The following ECE1 variants were observed in gnomAD, a reference collection of about 807,000 sequenced individuals.
ECE1 encodes endothelin-converting enzyme 1.
ECE1 carries 35 observed loss-of-function variants against 98.6 expected under a neutral mutation model. That is an observed-to-expected ratio of 0.35 (90% CI 0.27 to 0.47). The LOEUF (loss-of-function observed/expected upper bound fraction) is 0.47. Ranked by LOEUF, ECE1 falls within the 20% of genes least tolerant of loss-of-function variation. The probability of loss-of-function intolerance (pLI) is 1.00; values close to 1 mark genes in which losing one functional copy is unlikely to be tolerated. For missense variants in ECE1, 814 were observed against 1,025.3 expected (o/e 0.79, Z 2.81); for synonymous variants, 394 against 407.1 (o/e 0.97, Z 0.39).
At chr1:21,275,018 C>A (rs988239119) in intron 3 of ECE1, among the ~76,000 whole-genome samples, 1 of 152,126 alleles carries the variant, frequency 6.6e-6, no homozygotes, top group Admixed American at 6.5e-5. Context: ...GTTGAAAGAG[C>A]CTGTTGAGTA....
At chr1:21,311,276 G>A (rs559366970) in intron 1 of ECE1, among the ~76,000 whole-genome samples, 1 of 152,262 alleles carries the variant, frequency 6.6e-6, no homozygotes, top group East Asian at 1.9e-4. Context: ...CCAACATGCA[G>A]GAATGTTCAT....
At chr1:21,257,788 C>CG (rs1427509878) in intron 6 of ECE1, among the ~76,000 whole-genome samples, 198 bp from the exon 7 acceptor site, 7 of 151,974 alleles carry the variant, frequency 4.6e-5, no homozygotes, top group Non-Finnish European at 8.8e-5. Context: ...CCACGTGGCC[C>CG]CCCCCCGCAG....
intron 10 of ECE1, among the ~76,000 whole-genome samples, chr1:21,240,986 C>G (rs951570364): frequency 1.3e-5 from 2 of 152,242 alleles, no homozygotes; most frequent in African/African-American, 4.8e-5. Context: ...AGAGATGAAT[C>G]AACAGTGAGC....
chr1:21,241,106 G>C (rs2098195592), intron 10 of ECE1, among the ~76,000 whole-genome samples: 1 of 152,188 alleles, frequency 6.6e-6, no homozygotes, highest in Non-Finnish European at 1.5e-5. Context: ...AGTGGAGTGA[G>C]AGCGGGCCCT....
At chr1:21,312,129 A>G (rs1254293774) in intron 1 of ECE1, among the ~76,000 whole-genome samples, 2 of 151,190 alleles carry the variant, frequency 1.3e-5, no homozygotes, top group South Asian at 2.1e-4. Flanking sequence ...TCTCAAAAAA[A>G]AAAAAAAAAA....
chr1:21,226,346 C>T (rs1332954894), intron 16 of ECE1, among the ~76,000 whole-genome samples: 2 of 152,174 alleles, frequency 1.3e-5, no homozygotes, highest in East Asian at 1.9e-4. Flanking sequence ...CCAATCACCA[C>T]GGGAGGGTGG....
In ECE1 at chr1:21,235,723, A is replaced by G; in HGVS notation, c.1566+127T>C. 2 of 1,025,062 alleles carry G rather than the reference A, an allele frequency of 2.0e-6. No homozygotes were observed. Among genetic ancestry groups the G allele is most frequent in the Non-Finnish European group, 3.1e-6 (2 of 648,604 alleles). The allele number at this position is 1,025,062 out of a possible 1,614,324, so 63.5% of individuals were successfully genotyped here. A position where few individuals can be genotyped will look rare whatever the true frequency, so the allele number is the denominator to read the frequency against. ...TGCCTGACCCATACCCAAGCCCCAC[A>G]CCACATCATCCCTGTGTGTTTTGAC... On this transcript the variant is annotated intron_variant, in intron 13 of 18. Transcript: ENST00000374893. The surrounding 1 kb of genome is among the most constrained non-coding windows in gnomAD (Gnocchi z 4.2).
rs2098164344 is a variant in ECE1, at chr1:21,219,183, G to A, written c.*772C>T. 6.6e-6 allele frequency: 1 copy of A among 152,492 alleles called. No individual in the cohort carries two copies. Among genetic ancestry groups the A allele is most frequent in the Non-Finnish European group, 1.5e-5 (1 of 68,258 alleles). The allele number at this position is 152,492 out of a possible 1,614,324, so 9.4% of individuals were successfully genotyped here. On this transcript the variant is annotated 3_prime_UTR_variant, in exon 19 of 19. Coordinates refer to ENST00000374893, the MANE Select transcript of ECE1 (RefSeq NM_001397.3). The surrounding 1 kb of genome is among the most constrained non-coding windows in gnomAD (Gnocchi z 4.5). ...GCCATCAGTCCCCTGCTGTGGCTTT[G>A]GGGATCAGAACTTCCCAGCTAGGGC... is the stretch of plus-strand genomic sequence containing the variant.
At chr1:21,341,245 G>C (rs969112167) in intron 1 of ECE1, among the ~76,000 whole-genome samples, 10 of 152,236 alleles carry the variant, frequency 6.6e-5, no homozygotes, top group African/African-American at 2.4e-4. Flanking sequence ...GTGGGAGAGA[G>C]AGACCTATCA....
At chr1:21,232,463 TAATTTTAAAAATTTTTTGTAGAG>T (rs930745674) in intron 14 of ECE1, among the ~76,000 whole-genome samples, 3 of 152,010 alleles carry the variant, frequency 2.0e-5, no homozygotes, top group Non-Finnish European at 4.4e-5. Flanking sequence ...CACGTCCAGC[TAATTTTAAAAATTTTTTGTAGAG>T]ACCACATCTC....
At chr1:21,336,532 T>C (rs538833953) in intron 1 of ECE1, among the ~76,000 whole-genome samples, 18 of 151,056 alleles carry the variant, frequency 1.2e-4, no homozygotes, top group African/African-American at 7.3e-5. Flanking sequence ...CCGTCTCTAC[T>C]AAAAATACAA....
At chr1:21,325,669 C>A (rs1352182891) in intron 1 of ECE1, among the ~76,000 whole-genome samples, 1 of 152,252 alleles carries the variant, frequency 6.6e-6, no homozygotes, top group African/African-American at 2.4e-5. Flanking sequence ...CACAATAGGA[C>A]CCACTTCCTT....
chr1:21,303,074 T>C (rs1638522596), intron 1 of ECE1, among the ~76,000 whole-genome samples: 2 of 152,210 alleles, frequency 1.3e-5, no homozygotes, highest in Non-Finnish European at 2.9e-5. Context: ...GGCTTCCATC[T>C]ACCCAGCCCC....
intron 8 of ECE1, among the ~76,000 whole-genome samples, chr1:21,247,567 T>C (rs2098205631): frequency 6.6e-6 from 1 of 152,132 alleles, no homozygotes; most frequent in African/African-American, 2.4e-5. Context: ...AACACCAAAA[T>C]TTAACCTGAA....
At chr1:21,238,044 C>A in intron 11 of ECE1, 90 bp downstream of exon 11, 1 of 1,223,768 alleles carries the variant, frequency 8.2e-7, no homozygotes, top group Non-Finnish European at 1.2e-6. Context: ...GCAGGAAAGG[C>A]CCAGGGTGGG....
At chr1:21,273,346 CGTGT>C (rs60168069) in intron 3 of ECE1, among the ~76,000 whole-genome samples, 17,950 of 132,980 alleles carry the variant, frequency 0.13, 1,317 homozygotes, top group East Asian at 0.41. Context: ...TGCGTGTGTG[CGTGT>C]GTGTGTGTGT....
chr1:21,256,223 G>A (rs1205797230), intron 7 of ECE1, 85 bp from the exon 8 acceptor site: 4 of 1,471,404 alleles, frequency 2.7e-6, no homozygotes, highest in Non-Finnish European at 2.7e-6. Flanking sequence ...GGCCAGCCAA[G>A]TCCGGCACAG....
rs950268274 is a variant in ECE1 at position 21,279,062 on chromosome 1, C to G, written c.280+129G>C. On this transcript the variant is annotated intron_variant, in intron 3 of 18. Transcript: ENST00000374893. ...TGGTCTATCTCAGCACCCAGACCCC[C>G]CTGGGCCTGGCTCCCTCCTTAGCCT... 86 of 1,512,738 alleles carry G rather than the reference C, an allele frequency of 5.7e-5. No homozygotes were observed. In the Middle Eastern group the frequency reaches 9.5e-4, roughly 17 times the overall value. 93.7% of individuals were successfully genotyped at this position (1,512,738 alleles called of 1,614,324 possible).
At chr1:21,338,076 T>C (rs1639335904) in intron 1 of ECE1, among the ~76,000 whole-genome samples, 1 of 152,084 alleles carries the variant, frequency 6.6e-6, no homozygotes, top group Non-Finnish European at 1.5e-5. Flanking sequence ...CCCTCCCTCA[T>C]CCCTCTCATG....
Sources: gnomAD v4.1 joint callset for allele counts (sites outside exome capture counted in the v4.1 genomes callset) on GRCh38, gnomAD v4.1.1 for gene constraint, Gnocchi (gnomAD v3.1) non-coding constraint, MANE v1.5 for transcripts, NCBI Gene and HGNC (gene_info 2026-07-23, HGNC 2026-07-21) for gene names.